Variants in SLC2A13 observed in about 807,000 individuals in gnomAD.
SLC2A13 encodes proton myo-inositol cotransporter.
Under a neutral mutation model 64.4 loss-of-function variants are expected in SLC2A13, and 32 were observed. That is an observed-to-expected ratio of 0.50 (90% CI 0.37 to 0.67). The LOEUF (loss-of-function observed/expected upper bound fraction) is 0.67. Ranked by LOEUF, SLC2A13 falls within the 30% of genes least tolerant of loss-of-function variation. The probability of loss-of-function intolerance (pLI) is 0.00; values close to 1 mark genes in which losing one functional copy is unlikely to be tolerated. For missense variants in SLC2A13, 743 were observed against 829.2 expected (o/e 0.90, Z 1.28); for synonymous variants, 338 against 327.1 (o/e 1.03, Z -0.36).
intron 3 of SLC2A13, among the ~76,000 whole-genome samples, chr12:39,981,076 T>G (rs1946884084): frequency 6.6e-6 from 1 of 151,696 alleles, no homozygotes; most frequent in South Asian, 2.1e-4. Flanking sequence ...GAATGACTAC[T>G]GGGTACATAA....
chr12:39,963,225 T>C (rs1022853002), intron 3 of SLC2A13, among the ~76,000 whole-genome samples: 22 of 143,246 alleles, frequency 1.5e-4, no homozygotes, highest in Non-Finnish European at 2.5e-4. Context: ...AGGTGGAGCT[T>C]GCAGTGAGCC....
chr12:40,091,904 T>G (rs1053459641), intron 1 of SLC2A13, among the ~76,000 whole-genome samples: 4 of 152,220 alleles, frequency 2.6e-5, no homozygotes, highest in African/African-American at 9.6e-5. Flanking sequence ...GGAATTACGT[T>G]TAACTTTTAA....
intron 4 of SLC2A13, among the ~76,000 whole-genome samples, chr12:39,896,543 T>C (rs1944912953): frequency 7.0e-6 from 1 of 142,672 alleles, no homozygotes; most frequent in African/African-American, 2.7e-5. Flanking sequence ...TATGTATGTA[T>C]GTGTGTATAC....
chr12:39,861,484 T>A (rs1230232937), intron 6 of SLC2A13, among the ~76,000 whole-genome samples: 1 of 152,236 alleles, frequency 6.6e-6, no homozygotes, highest in Non-Finnish European at 1.5e-5. Flanking sequence ...GTGATTTACA[T>A]ATACTGAGAT....
intron 4 of SLC2A13, among the ~76,000 whole-genome samples, chr12:39,910,412 A>G (rs1310883549): frequency 6.6e-6 from 1 of 152,130 alleles, no homozygotes; most frequent in African/African-American, 2.4e-5. Context: ...GGATATAACC[A>G]TTGTCAAGCT....
At chr12:39,939,476 G>A (rs1945982163) in intron 4 of SLC2A13, among the ~76,000 whole-genome samples, 1 of 152,176 alleles carries the variant, frequency 6.6e-6, no homozygotes, top group Non-Finnish European at 1.5e-5. Flanking sequence ...TAAACCGTGT[G>A]CACATGAGCT....
intron 4 of SLC2A13, among the ~76,000 whole-genome samples, chr12:39,938,994 G>A (rs148367714): frequency 5.3e-5 from 8 of 152,208 alleles, no homozygotes; most frequent in Non-Finnish European, 1.2e-4. Context: ...TTTAACATCC[G>A]CAGGGTCAAC....
intron 4 of SLC2A13, among the ~76,000 whole-genome samples, chr12:39,878,945 A>G (rs1397204843): frequency 6.6e-6 from 1 of 152,258 alleles, no homozygotes; most frequent in African/African-American, 2.4e-5. Flanking sequence ...AGGCCAGCCC[A>G]GAGCCTACTG....
intron 6 of SLC2A13, among the ~76,000 whole-genome samples, chr12:39,846,889 T>C (rs1592199725): frequency 3.9e-5 from 6 of 152,232 alleles, no homozygotes; most frequent in Middle Eastern, 3.4e-3. Context: ...AACTATATAA[T>C]AAATGGCAGA....
chr12:40,035,845 T>G (rs1223746811), intron 2 of SLC2A13, among the ~76,000 whole-genome samples: 1 of 152,190 alleles, frequency 6.6e-6, no homozygotes, highest in Non-Finnish European at 1.5e-5. Context: ...GTGGAAGAAG[T>G]AAAATATGCT....
chr12:40,026,428 A>T (rs1947807955), intron 3 of SLC2A13, among the ~76,000 whole-genome samples: 1 of 152,194 alleles, frequency 6.6e-6, no homozygotes, highest in African/African-American at 2.4e-5. Flanking sequence ...ACTAAAGCAG[A>T]TGTTGATAAT....
At chr12:39,882,716 A>G (rs1944371913) in intron 4 of SLC2A13, among the ~76,000 whole-genome samples, 1 of 152,160 alleles carries the variant, frequency 6.6e-6, no homozygotes, top group Non-Finnish European at 1.5e-5. Flanking sequence ...CGACCAGTCT[A>G]CATTGATTCA....
At chr12:40,023,862 T>C (rs1192703356) in intron 3 of SLC2A13, among the ~76,000 whole-genome samples, 1 of 152,150 alleles carries the variant, frequency 6.6e-6, no homozygotes, top group Non-Finnish European at 1.5e-5. Flanking sequence ...GAATGAAAAC[T>C]GGAACTATTT....
intron 2 of SLC2A13, among the ~76,000 whole-genome samples, chr12:40,035,353 G>A (rs17489170): frequency 0.016 from 2,481 of 152,314 alleles, 83 homozygotes; most frequent in African/African-American, 0.056. Flanking sequence ...AGTTGCTAGA[G>A]TTATGTTACA....
At chr12:39,879,102 C>G (rs748041721) in intron 4 of SLC2A13, among the ~76,000 whole-genome samples, 7 of 152,258 alleles carry the variant, frequency 4.6e-5, no homozygotes, top group Non-Finnish European at 8.8e-5. Flanking sequence ...TGGTGTTAAG[C>G]CTATAGATAT....
intron 7 of SLC2A13, among the ~76,000 whole-genome samples, chr12:39,802,755 A>C (rs1044057526): frequency 6.6e-6 from 1 of 152,190 alleles, no homozygotes; most frequent in Admixed American, 6.5e-5. Flanking sequence ...AGATATGAAT[A>C]TGTAACCATA....
chr12:40,054,407 T>G (rs7966741), intron 1 of SLC2A13, among the ~76,000 whole-genome samples: 1 of 152,112 alleles, frequency 6.6e-6, no homozygotes, highest in Non-Finnish European at 1.5e-5. Flanking sequence ...TAGTCCATAC[T>G]AAACTCACAC....
intron 4 of SLC2A13, among the ~76,000 whole-genome samples, chr12:39,939,665 C>T (rs1397422393): frequency 1.3e-5 from 2 of 152,206 alleles, no homozygotes; most frequent in Non-Finnish European, 2.9e-5. Context: ...ATGGTCTTAA[C>T]ATATAAGAAG....
At chr12:40,073,594 CTTTG>C (rs1938050175) in intron 1 of SLC2A13, among the ~76,000 whole-genome samples, 7 of 151,878 alleles carry the variant, frequency 4.6e-5, no homozygotes, top group Admixed American at 4.6e-4. Flanking sequence ...AACAAATTTC[CTTTG>C]TTTAAGCAAT....
Sources: gnomAD v4.1 joint callset for allele counts (sites outside exome capture counted in the v4.1 genomes callset) on GRCh38, gnomAD v4.1.1 for gene constraint, MANE v1.5 for transcripts, NCBI Gene and HGNC (gene_info 2026-07-23, HGNC 2026-07-21) for gene names.